The following PIK3CB variants were observed in gnomAD, a reference collection of about 807,000 sequenced individuals.
The protein encoded by PIK3CB is phosphatidylinositol-4,5-bisphosphate 3-kinase catalytic subunit beta.
In PIK3CB, 39 loss-of-function variants were observed where a neutral mutation model predicts 136.8. That is an observed-to-expected ratio of 0.29 (90% CI 0.22 to 0.37). The LOEUF (loss-of-function observed/expected upper bound fraction) is 0.37. Among genes scored for constraint, PIK3CB ranks in the 10% least tolerant of loss-of-function variants. The pLI, the probability that PIK3CB is intolerant of heterozygous loss-of-function variation, is 1.00. For missense variants in PIK3CB, 868 were observed against 1,275.4 expected, an observed-to-expected ratio of 0.68 and a Z score of 4.87; for synonymous variants, 428 against 436.6, an observed-to-expected ratio of 0.98 and a Z score of 0.25.
At chr3:138,824,466 G>C (rs1346879822) in intron 1 of PIK3CB, among the ~76,000 whole-genome samples, 3 of 152,118 alleles carry the variant, frequency 2.0e-5, no homozygotes, top group African/African-American at 7.2e-5. Context: ...AACCTCAGGT[G>C]ATCTGCTAAA....
intron 7 of PIK3CB, 36 bp from the exon 8 acceptor site, chr3:138,733,474 T>C: frequency 2.9e-6 from 3 of 1,017,760 alleles, no homozygotes; most frequent in Non-Finnish European, 4.5e-6. Context: ...ATTATTTTAA[T>C]GAAAGAAATG....
At chr3:138,676,625 TAAATA>T (rs2043649997) in intron 19 of PIK3CB, among the ~76,000 whole-genome samples, 1 of 152,216 alleles carries the variant, frequency 6.6e-6, no homozygotes, top group South Asian at 2.1e-4. Flanking sequence ...GATGTATGGA[TAAATA>T]AAATGTGGCA....
rs993589147 is a variant in PIK3CB, at chr3:138,694,837, T to C, written c.1841A>G (p.Tyr614Cys). Residue 614 changes from tyrosine to cysteine, a missense_variant, in exon 14 of 24, where the codon TAT (tyrosine) becomes TGT (cysteine). By Grantham distance (194) the Tyr-to-Cys change is radical. This residue lies in a region of PIK3CB where 612 missense variants were observed against 801.1 expected (regional missense o/e 0.76). Transcript: ENST00000674063. ...ATATTCTCGAACGTACTGGTCTGGA[T>C]AGTTGAAATCCAGAAGCTCTAGGGC... ...REALELLDFN[Y>C]PDQYVREYAV... The C allele has an allele frequency of 4.3e-6, 7 of 1,613,282 alleles. No individual in the cohort carries two copies. The highest frequency in any genetic ancestry group is 1.3e-5 in the African/African-American group (1 of 74,860).
At chr3:138,687,537 A>G (rs1427020631) in intron 16 of PIK3CB, among the ~76,000 whole-genome samples, 1 of 152,132 alleles carries the variant, frequency 6.6e-6, no homozygotes, top group African/African-American at 2.4e-5. Context: ...CAATCAAATC[A>G]TAGCTCACTG....
chr3:138,795,325 A>T (rs1323061370), intron 2 of PIK3CB, among the ~76,000 whole-genome samples: 6 of 25,340 alleles, frequency 2.4e-4, no homozygotes, highest in South Asian at 1.6e-3. Flanking sequence ...CTGTCTTTTA[A>T]AAAAAAAAAA....
At chr3:138,739,924 A>G (rs2045205665) in intron 5 of PIK3CB, among the ~76,000 whole-genome samples, 1 of 151,334 alleles carries the variant, frequency 6.6e-6, no homozygotes, top group Non-Finnish European at 1.5e-5. Flanking sequence ...AAAAAAATAA[A>G]AGAGACCCCA....
intron 1 of PIK3CB, among the ~76,000 whole-genome samples, chr3:138,799,198 G>A (rs1249865766): frequency 6.2e-5 from 8 of 128,662 alleles, no homozygotes; most frequent in South Asian, 2.4e-4. Context: ...TTTTTTTTGA[G>A]ACAGAGTCTC....
intron 16 of PIK3CB, among the ~76,000 whole-genome samples, chr3:138,688,550 C>T (rs1453242903): frequency 6.7e-6 from 1 of 148,642 alleles, no homozygotes; most frequent in African/African-American, 2.5e-5. Context: ...TGGTTCACAT[C>T]TGCATTTCTT....
rs191865770 is a variant in PIK3CB, at chr3:138,831,239, C to T, written c.-122+3456G>A. On this transcript the variant is annotated intron_variant, in intron 1 of 23. Coordinates refer to ENST00000674063, the MANE Select transcript of PIK3CB (RefSeq NM_006219.3). Reference sequence around the variant, plus strand: ...GAGGTGTGAACTCCAGGCTGGGCAACAGAGTGAGACTCCGTCTCAAATAAA... The same window carrying T: ...GAGGTGTGAACTCCAGGCTGGGCAATAGAGTGAGACTCCGTCTCAAATAAA... 3.2e-3 allele frequency among the ~76,000 whole-genome samples: 463 copies of T among 145,284 alleles called. 4 individuals are homozygous for T. Among genetic ancestry groups the T allele is most frequent in the African/African-American group, 0.011 (449 of 40,044 alleles).
chr3:138,816,963 G>A (rs894166786), intron 1 of PIK3CB, among the ~76,000 whole-genome samples: 1 of 152,060 alleles, frequency 6.6e-6, no homozygotes, highest in African/African-American at 2.4e-5. Context: ...CACTTTGGGA[G>A]GCCAAGGCAG....
intron 8 of PIK3CB, among the ~76,000 whole-genome samples, chr3:138,724,051 A>G (rs2044786925): frequency 6.6e-6 from 1 of 152,166 alleles, no homozygotes; most frequent in Non-Finnish European, 1.5e-5. Flanking sequence ...TGGGTATCCT[A>G]CAATTCAATT....
At chr3:138,700,744 T>C (rs1044894558) in intron 12 of PIK3CB, among the ~76,000 whole-genome samples, 2 of 129,506 alleles carry the variant, frequency 1.5e-5, no homozygotes, top group Admixed American at 8.1e-5. Context: ...GATAGATAGA[T>C]AGAGATAGAG....
intron 1 of PIK3CB, among the ~76,000 whole-genome samples, chr3:138,827,620 G>A (rs896477498): frequency 6.6e-6 from 1 of 151,716 alleles, no homozygotes; most frequent in African/African-American, 2.4e-5. Flanking sequence ...TCGAGGTTAC[G>A]GTGAGCTACG....
intron 2 of PIK3CB, among the ~76,000 whole-genome samples, chr3:138,774,262 G>C (rs1202319232): frequency 1.3e-5 from 2 of 152,214 alleles, no homozygotes. Context: ...CTTTCAGATA[G>C]CAACCCTCTC....
intron 22 of PIK3CB, among the ~76,000 whole-genome samples, chr3:138,656,730 T>C (rs1416910813): frequency 6.6e-6 from 1 of 152,178 alleles, no homozygotes; most frequent in East Asian, 1.9e-4. Context: ...TCATCCTGCC[T>C]TCCCTCTCTC....
Position 138,705,173 on chromosome 3 carries a change from ACAAAAAACAAAACAAAC to A in PIK3CB, c.1531-697_1531-681del, listed in dbSNP as rs1166914596. Among the ~76,000 whole-genome samples the A allele has an allele frequency of 8.5e-3, 756 of 89,002 alleles. 206 individuals are homozygous for A. In the East Asian group the frequency reaches 0.12, roughly 14 times the overall value. The allele number at this position is 89,002 out of a possible 152,430, so 58.4% of individuals were successfully genotyped here. A position where few individuals can be genotyped will look rare whatever the true frequency, so the allele number is the denominator to read the frequency against. On this transcript the variant is annotated intron_variant, in intron 11 of 23. Transcript: ENST00000674063. ...AGAAAGGCAAAAAAAAAAAAAAAAAACAAAAAACAAAACAAACAAAAAAAAAAACTTATATTTGCAAA... is the reference window on the plus strand; with the variant it reads ...AGAAAGGCAAAAAAAAAAAAAAAAAAAAAAAAAAAAACTTATATTTGCAAA...
chr3:138,781,932 A>C (rs762579267), intron 2 of PIK3CB, among the ~76,000 whole-genome samples: 1 of 152,210 alleles, frequency 6.6e-6, no homozygotes, highest in Non-Finnish European at 1.5e-5. Context: ...AAAAAAATTA[A>C]AGTTTTAAAA....
chr3:138,755,183 C>G (rs1037240001), intron 4 of PIK3CB, among the ~76,000 whole-genome samples: 3 of 152,180 alleles, frequency 2.0e-5, no homozygotes, highest in Non-Finnish European at 4.4e-5. Flanking sequence ...AGCTTAAAGT[C>G]TTGGTTGGCA....
At chr3:138,722,219 GAGAC>G (rs1291697593) in intron 8 of PIK3CB, among the ~76,000 whole-genome samples, 31 of 65,430 alleles carry the variant, frequency 4.7e-4, no homozygotes, top group African/African-American at 2.2e-3. Context: ...TGCTATGTAA[GAGAC>G]ACACACACAC....
Sources: allele counts gnomAD v4.1 joint callset (sites outside exome capture counted in the v4.1 genomes callset), GRCh38; gene constraint gnomAD v4.1.1; regional missense constraint gnomAD v4.1.1; transcripts MANE v1.5; gene names NCBI Gene and HGNC (gene_info 2026-07-23, HGNC 2026-07-21).